Variants in CMIP observed in about 807,000 individuals in gnomAD.
CMIP encodes the protein c-Maf inducing protein, also known as C-Maf-inducing protein.
CMIP carries 13 observed loss-of-function variants against 97.3 expected under a neutral mutation model. The observed-to-expected ratio is 0.13, with a 90% CI of 0.09 to 0.21. The LOEUF (loss-of-function observed/expected upper bound fraction) is 0.21, where lower values mean the gene tolerates loss of function less well. Among genes scored for constraint, CMIP ranks in the 10% least tolerant of loss-of-function variants. The probability of loss-of-function intolerance (pLI) is 1.00; values close to 1 mark genes in which losing one functional copy is unlikely to be tolerated. For synonymous variants in CMIP, 538 were observed against 436.3 expected (o/e 1.23, Z -2.91); for missense variants, 847 against 1,024.9 (o/e 0.83, Z 2.37).
intron 1 of CMIP, among the ~76,000 whole-genome samples, chr16:81,534,726 G>A (rs1485262018): frequency 2.0e-5 from 3 of 152,058 alleles, no homozygotes; most frequent in African/African-American, 7.2e-5. Flanking sequence ...GGTATAAGGT[G>A]TGAGGCAGGG....
At chr16:81,481,396 G>C (rs1036570576) in intron 1 of CMIP, among the ~76,000 whole-genome samples, 10 of 152,364 alleles carry the variant, frequency 6.6e-5, no homozygotes, top group African/African-American at 2.4e-4. Flanking sequence ...GCTCAGGAAG[G>C]CTGAGAAGCT....
intron 1 of CMIP, among the ~76,000 whole-genome samples, chr16:81,522,701 G>T (rs890379936): frequency 3.9e-5 from 6 of 152,028 alleles, no homozygotes; most frequent in Non-Finnish European, 8.8e-5. Flanking sequence ...CTACCGCCCC[G>T]ACTAGAGCAT....
intron 1 of CMIP, among the ~76,000 whole-genome samples, chr16:81,589,757 C>T (rs2091438637): frequency 6.6e-6 from 1 of 152,278 alleles, no homozygotes; most frequent in South Asian, 2.1e-4. Context: ...CACACATACT[C>T]AGGCTTCATA....
chr16:81,664,168 C>T, intron 6 of CMIP, 101 bp from the exon 7 acceptor site: 1 of 1,083,480 alleles, frequency 9.2e-7, no homozygotes, highest in Non-Finnish European at 1.3e-6. Context: ...GGAACCCAGG[C>T]ACCCACAGCT....
intron 1 of CMIP, among the ~76,000 whole-genome samples, chr16:81,467,193 C>A (rs1022829458): frequency 6.6e-6 from 1 of 152,182 alleles, no homozygotes; most frequent in Non-Finnish European, 1.5e-5. Context: ...ATGTTTGTCA[C>A]CGGTCCCTAA....
Position 81,444,942 on chromosome 16 carries a change from C to T in CMIP, c.-300C>T, listed in dbSNP as rs1368288837. 3.1e-4 allele frequency among the ~76,000 whole-genome samples: 43 copies of T among 139,868 alleles called. No homozygotes were observed. The highest frequency in any genetic ancestry group is 9.0e-4 in the Admixed American group (13 of 14,380). The allele number at this position is 139,868 out of a possible 152,430, so 91.8% of individuals were successfully genotyped here. On this transcript the variant is annotated 5_prime_UTR_variant, in exon 1 of 21. Transcript: ENST00000537098. ...CCCTCCGCGCCTGGCCCCGGCCCGC[C>T]CTCGGCCTCCCCCGCCCCTCCCCGT...
At chr16:81,591,824 T>C (rs945905068) in intron 1 of CMIP, among the ~76,000 whole-genome samples, 1 of 147,530 alleles carries the variant, frequency 6.8e-6, no homozygotes, top group Non-Finnish European at 1.5e-5. Flanking sequence ...CTTTCTTTCT[T>C]TCTTTCTTTT....
intron 1 of CMIP, among the ~76,000 whole-genome samples, chr16:81,527,538 C>G (rs1266406636): frequency 6.6e-6 from 1 of 152,200 alleles, no homozygotes; most frequent in Admixed American, 6.5e-5. Context: ...GACCTACCAC[C>G]AGGCTATCAG....
rs1031695231 is a variant in CMIP at position 81,652,393 on chromosome 16, A to G, written c.639+29A>G. The stretch of plus-strand genomic sequence containing the variant: ...AAACCCCTCCCCTGGACCCCTTTAC[A>G]TTGTTTGCCTTTCCCTCCACCGATC... On this transcript the variant is annotated intron_variant, in intron 4 of 20. Coordinates refer to ENST00000537098, the MANE Select transcript of CMIP (RefSeq NM_198390.3). This position sits in a 1 kb window ranked among gnomAD's most constrained non-coding sequence, Gnocchi z 5.2. The G allele has an allele frequency of 2.5e-6, 4 of 1,589,074 alleles. No homozygotes were observed. The highest frequency in any genetic ancestry group is 3.4e-6 in the Non-Finnish European group (4 of 1,165,206).
At chr16:81,452,885 G>GTTTTTTTTTTTTTTTTTTTTTTTTTT (rs558606255) in intron 1 of CMIP, among the ~76,000 whole-genome samples, 1 of 129,240 alleles carries the variant, frequency 7.7e-6, no homozygotes, top group African/African-American at 2.9e-5. Flanking sequence ...TTTTTGTTTT[G>GTTTTTTTTTTTTTTTTTTTTTTTTTT]TTTTTTTTTT....
chr16:81,650,008 G>A (rs2092408815), intron 3 of CMIP, among the ~76,000 whole-genome samples: 2 of 152,180 alleles, frequency 1.3e-5, no homozygotes, highest in Admixed American at 6.5e-5. Flanking sequence ...AGGACAGGGC[G>A]GCTTTGGTTG....
intron 2 of CMIP, chr16:81,610,508 G>A (rs1193096199): frequency 3.0e-6 from 3 of 985,454 alleles, no homozygotes; most frequent in African/African-American, 1.7e-5. Flanking sequence ...CAGCAGACAC[G>A]GCCTCCCAAC....
intron 1 of CMIP, among the ~76,000 whole-genome samples, chr16:81,559,880 G>A (rs913878381): frequency 9.9e-5 from 15 of 152,146 alleles, no homozygotes; most frequent in African/African-American, 3.6e-4. Flanking sequence ...GGGCGTGGTG[G>A]CTCATGCCTG....
chr16:81,679,903 G>T (rs1161281293), intron 10 of CMIP, among the ~76,000 whole-genome samples: 1 of 152,226 alleles, frequency 6.6e-6, no homozygotes, highest in East Asian at 1.9e-4. Flanking sequence ...GAGCCATGTG[G>T]TTCCACAGAC....
intron 1 of CMIP, among the ~76,000 whole-genome samples, chr16:81,486,288 G>A (rs1021336393): frequency 3.3e-5 from 5 of 152,076 alleles, no homozygotes; most frequent in African/African-American, 7.2e-5. Context: ...ACAAACATGC[G>A]CACTCTGTGT....
At chr16:81,700,898 C>T (rs567853212) in intron 15 of CMIP, among the ~76,000 whole-genome samples, 13 of 152,120 alleles carry the variant, frequency 8.5e-5, no homozygotes, top group African/African-American at 2.9e-4. Flanking sequence ...GACAGGGATT[C>T]GGAGGCCATG....
intron 1 of CMIP, among the ~76,000 whole-genome samples, chr16:81,503,811 C>A (rs1337505591): frequency 6.6e-6 from 1 of 152,206 alleles, no homozygotes; most frequent in Admixed American, 6.5e-5. Context: ...CCCATGGCAC[C>A]CCTCCAGATC....
intron 1 of CMIP, among the ~76,000 whole-genome samples, chr16:81,601,622 T>C (rs1005577310): frequency 6.6e-6 from 1 of 152,012 alleles, no homozygotes; most frequent in African/African-American, 2.4e-5. Context: ...AGGTGAAGTA[T>C]CTCTTCCTGG....
At chr16:81,591,942 G>C (rs1378337101) in intron 1 of CMIP, among the ~76,000 whole-genome samples, 3 of 151,278 alleles carry the variant, frequency 2.0e-5, no homozygotes, top group African/African-American at 7.3e-5. Context: ...TCCTGCCTCA[G>C]CCTCCCAGGT....
Sources: gnomAD v4.1 joint callset for allele counts (sites outside exome capture counted in the v4.1 genomes callset) on GRCh38, gnomAD v4.1.1 for gene constraint, Gnocchi (gnomAD v3.1) non-coding constraint, MANE v1.5 for transcripts, NCBI Gene and HGNC (gene_info 2026-07-23, HGNC 2026-07-21) for gene names.